Variants in ABTB3 observed in about 807,000 individuals in gnomAD.
ABTB3 encodes the protein ankyrin repeat- and BTB/POZ domain-containing protein 3.
At chr12:107,541,925 GA>G in the ABTB3 span, among the ~76,000 whole-genome samples, 7,377 of 145,914 alleles carry the variant, frequency 0.051, 548 homozygotes, top group African/African-American at 0.17. Flanking sequence ...AAGTTGGAAA[GA>G]AAAAAAAAAA....
chr12:107,586,246 C>T, the ABTB3 span, among the ~76,000 whole-genome samples: 2 of 152,086 alleles, frequency 1.3e-5, no homozygotes, highest in Admixed American at 6.5e-5. Flanking sequence ...GAGCTGCATC[C>T]GCACCAGCCA....
the ABTB3 span, among the ~76,000 whole-genome samples, chr12:107,372,938 A>T: frequency 6.6e-6 from 1 of 152,272 alleles, no homozygotes; most frequent in African/African-American, 2.4e-5. Flanking sequence ...ATCAACCTCA[A>T]CACCATTGGC....
At chr12:107,375,186 G>T in the ABTB3 span, among the ~76,000 whole-genome samples, 1 of 152,184 alleles carries the variant, frequency 6.6e-6, no homozygotes, top group East Asian at 1.9e-4. Context: ...GGAGGCTGAG[G>T]TGGGAGGATC....
the ABTB3 span, chr12:107,319,963 C>A: frequency 6.3e-7 from 1 of 1,580,816 alleles, no homozygotes; most frequent in South Asian, 1.1e-5. Context: ...ATGCGCTCCA[C>A]GAGGCGCCCA....
At chr12:107,547,988 G>A in the ABTB3 span, among the ~76,000 whole-genome samples, 3 of 152,166 alleles carry the variant, frequency 2.0e-5, no homozygotes, top group African/African-American at 4.8e-5. Flanking sequence ...TAGAGGGATC[G>A]TTATTTCTTC....
the ABTB3 span, chr12:107,614,910 C>T: frequency 1.6e-6 from 1 of 624,070 alleles, no homozygotes; most frequent in Non-Finnish European, 2.8e-6. Flanking sequence ...GTGGAAAATC[C>T]CTGCCCTGTA....
chr12:107,510,638 G>A, the ABTB3 span, among the ~76,000 whole-genome samples: 2 of 152,100 alleles, frequency 1.3e-5, no homozygotes, highest in African/African-American at 4.8e-5. Context: ...CTGATGGCTC[G>A]GCACAGTGGC....
the ABTB3 span, among the ~76,000 whole-genome samples, chr12:107,426,265 A>T: frequency 6.6e-6 from 1 of 152,216 alleles, no homozygotes; most frequent in African/African-American, 2.4e-5. Context: ...GGCCCAAGGT[A>T]GATCGATGCG....
the ABTB3 span, among the ~76,000 whole-genome samples, chr12:107,342,278 G>A: frequency 2.0e-5 from 3 of 152,044 alleles, no homozygotes. Context: ...GGTGGAAGGG[G>A]CATGGATACT....
chr12:107,376,200 A>T, the ABTB3 span, among the ~76,000 whole-genome samples: 1 of 151,600 alleles, frequency 6.6e-6, no homozygotes, highest in Non-Finnish European at 1.5e-5. Flanking sequence ...CTGTCATCTC[A>T]TCTGGCCATA....
chr12:107,319,090 C>T, the ABTB3 span: 1 of 1,609,424 alleles, frequency 6.2e-7, no homozygotes, highest in Non-Finnish European at 8.5e-7. Context: ...ATGGCGGGAG[C>T]TGCTGGCCGC....
chr12:107,498,747 A>C, the ABTB3 span, among the ~76,000 whole-genome samples: 2 of 152,034 alleles, frequency 1.3e-5, no homozygotes, highest in African/African-American at 4.8e-5. Flanking sequence ...TCTGTATCCC[A>C]ATGTCAGATG....
At chr12:107,625,889 C>G in the ABTB3 span, among the ~76,000 whole-genome samples, 1 of 152,192 alleles carries the variant, frequency 6.6e-6, no homozygotes, top group Admixed American at 6.5e-5. Context: ...AGAAGTCTAG[C>G]CTTCCCACTT....
chr12:107,620,347 T>C, the ABTB3 span, among the ~76,000 whole-genome samples: 1 of 152,192 alleles, frequency 6.6e-6, no homozygotes, highest in East Asian at 1.9e-4. Flanking sequence ...GCAGCTGTCT[T>C]GCTGAGCATC....
the ABTB3 span, among the ~76,000 whole-genome samples, chr12:107,565,768 T>C: frequency 6.6e-6 from 1 of 152,186 alleles, no homozygotes; most frequent in Non-Finnish European, 1.5e-5. Flanking sequence ...GACTTCAGGA[T>C]TCTCCTGAGA....
chr12:107,623,888 G>A, the ABTB3 span, among the ~76,000 whole-genome samples: 3 of 152,120 alleles, frequency 2.0e-5, no homozygotes, highest in Non-Finnish European at 4.4e-5. Flanking sequence ...TCTGGGGGTG[G>A]GGCTGATGAG....
the ABTB3 span, among the ~76,000 whole-genome samples, chr12:107,555,705 C>T: frequency 2.6e-5 from 4 of 152,324 alleles, no homozygotes; most frequent in South Asian, 2.1e-4. Flanking sequence ...CTATACCATG[C>T]GCCTCATTTC....
chr12:107,501,661 C>T, the ABTB3 span, among the ~76,000 whole-genome samples: 1 of 152,084 alleles, frequency 6.6e-6, no homozygotes. Flanking sequence ...GATCACGTCA[C>T]TGCACCTCAG....
At chr12:107,360,930 A>ATTTTTTTTTTTTTTTTTTT in the ABTB3 span, among the ~76,000 whole-genome samples, 1 of 84,436 alleles carries the variant, frequency 1.2e-5, no homozygotes, top group Non-Finnish European at 2.1e-5. Context: ...ATTTAATTTA[A>ATTTTTTTTTTTTTTTTTTT]TTTTTTTTTT....
Sources: gnomAD v4.1 joint callset for allele counts (sites outside exome capture counted in the v4.1 genomes callset) on GRCh38, gnomAD v4.1.1 for gene constraint, MANE v1.5 for transcripts, NCBI Gene and HGNC (gene_info 2026-07-23, HGNC 2026-07-21) for gene names.